GAS2: variants seen among roughly 807,000 people sequenced by gnomAD.
The protein encoded by GAS2 is growth arrest specific 2, also known as growth arrest-specific protein 2.
A neutral mutation model predicts 37.5 loss-of-function variants in GAS2; 20 were observed. The observed-to-expected ratio is 0.53, with a 90% CI of 0.37 to 0.77. The LOEUF is 0.77. Among genes scored for constraint, GAS2 ranks in the 30% least tolerant of loss-of-function variants. The pLI is 0.00. For synonymous variants in GAS2, 144 were observed against 132.2 expected (o/e 1.09, Z -0.61); for missense variants, 336 against 373.4 (o/e 0.90, Z 0.82).
intron 2 of GAS2, 132 bp downstream of exon 2, chr11:22,675,146 C>T (rs380241): frequency 0.11 from 97,984 of 891,746 alleles, 5,726 homozygotes; most frequent in African/African-American, 0.14. Flanking sequence ...ACATTTGCAT[C>T]TGGGAAACCT....
chr11:22,735,795 A>C (rs1852721767), intron 4 of GAS2, among the ~76,000 whole-genome samples: 1 of 151,892 alleles, frequency 6.6e-6, no homozygotes, highest in Non-Finnish European at 1.5e-5. Context: ...CAATTTAGTC[A>C]GTTAACTAAT....
upstream of GAS2, among the ~76,000 whole-genome samples, chr11:22,663,962 A>G (rs957917141): frequency 1.3e-5 from 2 of 152,178 alleles, no homozygotes; most frequent in African/African-American, 2.4e-5. Flanking sequence ...ATGTCAACAA[A>G]ATGTAAGTAA....
chr11:22,735,207 G>A lies in GAS2; in HGVS notation c.410-2498G>A, dbSNP rs988685713. On this transcript the variant is annotated intron_variant, in intron 4 of 7. Transcript: ENST00000454584. Reference sequence around the variant, plus strand: ...TACAGATTTATCTTAGTCATTGCTTGCTGGTCACCAATCATTCTTTTTTTT... The same window carrying A: ...TACAGATTTATCTTAGTCATTGCTTACTGGTCACCAATCATTCTTTTTTTT... Among the ~76,000 whole-genome samples the A allele has an allele frequency of 1.4e-5, 2 of 142,210 alleles. 1 individual carries two copies. The highest frequency in any genetic ancestry group is 1.5e-4 in the Admixed American group (2 of 13,782). The allele number at this position is 142,210 out of a possible 152,430, so 93.3% of individuals were successfully genotyped here.
intron 1 of GAS2, among the ~76,000 whole-genome samples, chr11:22,669,820 C>T (rs998546231): frequency 9.2e-5 from 14 of 152,218 alleles, no homozygotes; most frequent in African/African-American, 3.1e-4. Flanking sequence ...CTACTGAACC[C>T]AAGGTGGAGG....
Position 22,801,094 on chromosome 11 carries a change from GA to G in GAS2, c.724-10699del, listed in dbSNP as rs759890261. ...TGTTTCTAAACACAAATGTTCCCAA[GA>G]AAAAGGAAAAGACATTCTTCTTTTT... On this transcript the variant is annotated intron_variant, in intron 7 of 7. Transcript: ENST00000454584. Among the ~76,000 whole-genome samples, 30 of 151,888 alleles carry G rather than the reference GA, an allele frequency of 2.0e-4. 1 individual carries two copies. Among genetic ancestry groups the G allele is most frequent in the Admixed American group, 1.3e-3 (20 of 15,236 alleles).
chr11:22,666,199 TG>T (rs1848982829), upstream of GAS2, among the ~76,000 whole-genome samples: 1 of 152,218 alleles, frequency 6.6e-6, no homozygotes, highest in African/African-American at 2.4e-5. Context: ...AGGGTGGAAT[TG>T]TATTTCCTTT....
intron 2 of GAS2, among the ~76,000 whole-genome samples, chr11:22,682,650 C>T (rs973449938): frequency 5.3e-5 from 8 of 151,786 alleles, no homozygotes; most frequent in Admixed American, 2.6e-4. Context: ...GAGGCTGAGG[C>T]GGGCAGATCA....
At chr11:22,681,830 T>C (rs959700324) in intron 2 of GAS2, among the ~76,000 whole-genome samples, 3 of 128,382 alleles carry the variant, frequency 2.3e-5, no homozygotes, top group Admixed American at 1.5e-4. Flanking sequence ...ACTTTTATAT[T>C]ATATTTTTTT....
chr11:22,790,986 A>C (rs1210413633), intron 7 of GAS2, among the ~76,000 whole-genome samples: 1 of 152,202 alleles, frequency 6.6e-6, no homozygotes, highest in Non-Finnish European at 1.5e-5. Flanking sequence ...TAACACTGAG[A>C]GCATAGATAA....
At chr11:22,703,776 A>G (rs1850963490) in intron 3 of GAS2, among the ~76,000 whole-genome samples, 1 of 152,084 alleles carries the variant, frequency 6.6e-6, no homozygotes, top group Admixed American at 6.6e-5. Context: ...GACGACATGA[A>G]TGGCTTCTAT....
Position 22,769,045 on chromosome 11 carries a change from A to G in GAS2, c.723+13092A>G, listed in dbSNP as rs116394960. Among the ~76,000 whole-genome samples the G allele has an allele frequency of 2.7e-3, 418 of 152,316 alleles. 2 individuals carry two copies. The highest frequency in any genetic ancestry group is 9.7e-3 in the African/African-American group (402 of 41,576). On this transcript the variant is annotated intron_variant, in intron 7 of 7. Transcript: ENST00000454584. Reference sequence around the variant, plus strand: ...TCTTAAGGAACTCCTTATGTTCCTAATGAGGTCCAGGGTTAATAGAAAAAG... The same window carrying G: ...TCTTAAGGAACTCCTTATGTTCCTAGTGAGGTCCAGGGTTAATAGAAAAAG...
At chr11:22,669,675 T>C (rs1215525586) in intron 1 of GAS2, among the ~76,000 whole-genome samples, 1 of 152,178 alleles carries the variant, frequency 6.6e-6, no homozygotes, top group East Asian at 1.9e-4. Context: ...CCCTTATTAA[T>C]TACGAGGAGT....
chr11:22,755,230 A>T (rs1285479924), intron 6 of GAS2, among the ~76,000 whole-genome samples: 1 of 152,146 alleles, frequency 6.6e-6, no homozygotes, highest in African/African-American at 2.4e-5. Flanking sequence ...CATAAGCTAT[A>T]AAACATGGTC....
chr11:22,685,134 C>G (rs2133940926), intron 2 of GAS2, among the ~76,000 whole-genome samples: 2 of 146,686 alleles, frequency 1.4e-5, no homozygotes, highest in South Asian at 4.2e-4. Flanking sequence ...CCACTGCACT[C>G]CAGATTGCGT....
intron 3 of GAS2, among the ~76,000 whole-genome samples, chr11:22,717,448 A>G (rs1851736129): frequency 6.6e-6 from 1 of 152,184 alleles, no homozygotes; most frequent in East Asian, 1.9e-4. Flanking sequence ...AACCACATGT[A>G]GAAGAATGAA....
chr11:22,643,335 T>C (rs1236986214), intron 1 of GAS2, among the ~76,000 whole-genome samples: 2 of 152,094 alleles, frequency 1.3e-5, no homozygotes, highest in Non-Finnish European at 2.9e-5. Flanking sequence ...GAGCATTTAA[T>C]TTGAAACCTC....
At chr11:22,643,983 G>T (rs2133821121) in intron 1 of GAS2, among the ~76,000 whole-genome samples, 1 of 151,872 alleles carries the variant, frequency 6.6e-6, no homozygotes, top group African/African-American at 2.4e-5. Flanking sequence ...GATGGCTGAA[G>T]TTTCCAGACA....
intron 2 of GAS2, among the ~76,000 whole-genome samples, chr11:22,685,049 C>T (rs1217074034): frequency 2.0e-5 from 3 of 151,928 alleles, no homozygotes; most frequent in African/African-American, 7.3e-5. Flanking sequence ...ACTGTAATCC[C>T]AGTACTTTTG....
chr11:22,695,173 T>C (rs1379843531), intron 3 of GAS2, among the ~76,000 whole-genome samples: 1 of 151,844 alleles, frequency 6.6e-6, no homozygotes, highest in Non-Finnish European at 1.5e-5. Context: ...TAAAAAAAAT[T>C]AGCTGGGTGT....
Sources: gnomAD v4.1 joint callset for allele counts (sites outside exome capture counted in the v4.1 genomes callset) on GRCh38, gnomAD v4.1.1 for gene constraint, MANE v1.5 for transcripts, NCBI Gene and HGNC (gene_info 2026-07-23, HGNC 2026-07-21) for gene names.